PLPPR1: variants seen among roughly 807,000 people sequenced by gnomAD.
The protein encoded by PLPPR1 is phospholipid phosphatase related 1.
Under a neutral mutation model 33.1 loss-of-function variants are expected in PLPPR1, and 10 were observed. That is an observed-to-expected ratio of 0.30 (90% confidence interval 0.19 to 0.51). The LOEUF (loss-of-function observed/expected upper bound fraction) is 0.51, where lower values mean the gene tolerates loss of function less well. PLPPR1 is among the 20% of genes least tolerant of loss of function. The pLI is 0.97. For synonymous variants in PLPPR1, 151 were observed against 151.0 expected (o/e 1.00, Z 0.00); for missense variants, 304 against 408.1 (o/e 0.74, Z 2.20).
intron 4 of PLPPR1, among the ~76,000 whole-genome samples, chr9:101,295,072 C>G (rs1416446910): frequency 6.6e-6 from 1 of 152,178 alleles, no homozygotes; most frequent in African/African-American, 2.4e-5. Context: ...AGCCCAAAAT[C>G]TCCTTAAGCT....
chr9:101,237,815 G>T (rs1827337837), intron 2 of PLPPR1, among the ~76,000 whole-genome samples: 1 of 80,428 alleles, frequency 1.2e-5, no homozygotes, highest in Admixed American at 1.2e-4. Flanking sequence ...TCCATTGTGT[G>T]CATATATATA....
At chr9:101,165,457 A>C (rs922935460) in intron 1 of PLPPR1, among the ~76,000 whole-genome samples, 1 of 152,250 alleles carries the variant, frequency 6.6e-6, no homozygotes, top group Non-Finnish European at 1.5e-5. Context: ...TTGGAAAAGC[A>C]AAGAGAAAAT....
chr9:101,318,764 A>G (rs1829100952), intron 7 of PLPPR1, among the ~76,000 whole-genome samples: 1 of 136,866 alleles, frequency 7.3e-6, no homozygotes. Context: ...ACAGAGTGAG[A>G]CCCTATCTCA....
At chr9:101,181,510 G>A (rs1019476402) in intron 1 of PLPPR1, among the ~76,000 whole-genome samples, 20 of 150,946 alleles carry the variant, frequency 1.3e-4, no homozygotes, top group Admixed American at 8.6e-4. Flanking sequence ...ATATTTATGC[G>A]TTCTCATGTT....
chr9:101,240,409 A>ACTGTTTTTTTTTTTTTTTTT (rs1564012614), intron 2 of PLPPR1, among the ~76,000 whole-genome samples: 12 of 151,782 alleles, frequency 7.9e-5, no homozygotes, highest in African/African-American at 2.9e-4. Context: ...AAATTTTAGA[A>ACTGTTTTTTTTTTTTTTTTT]TTGTTTTTTT....
chr9:101,228,388 T>A (rs1035408306), intron 2 of PLPPR1, among the ~76,000 whole-genome samples: 1 of 152,114 alleles, frequency 6.6e-6, no homozygotes, highest in African/African-American at 2.4e-5. Context: ...GTCCACATCC[T>A]TTATTTGGAT....
chr9:101,195,881 A>G (rs1262475281), intron 2 of PLPPR1, among the ~76,000 whole-genome samples: 1 of 152,230 alleles, frequency 6.6e-6, no homozygotes, highest in Admixed American at 6.5e-5. Flanking sequence ...TTTAATCTTC[A>G]TAGAATTTTA....
At chr9:101,042,741 A>T (rs1340773881) in intron 1 of PLPPR1, among the ~76,000 whole-genome samples, 1 of 152,254 alleles carries the variant, frequency 6.6e-6, no homozygotes, top group Non-Finnish European at 1.5e-5. Flanking sequence ...CCAGGGTAAT[A>T]TTCTGTAAAT....
rs1385860845 is a variant in PLPPR1, at chr9:101,324,858, T to C, written c.*801T>C. The C allele has an allele frequency of 1.3e-5, 2 of 152,606 alleles. No individual in the cohort carries two copies. The highest frequency in any genetic ancestry group is 2.9e-5 in the Non-Finnish European group (2 of 68,038). 9.5% of individuals were successfully genotyped at this position (152,606 alleles called of 1,614,324 possible). ...TTATATGAAAATGAATATTTTACAG[T>C]TTGCACAGTATTATTTTACAGAAAA... On this transcript the variant is annotated 3_prime_UTR_variant, in exon 8 of 8. Coordinates refer to ENST00000374874, the MANE Select transcript of PLPPR1 (RefSeq NM_207299.2).
At chr9:101,065,099 T>G (rs1416227074) in intron 1 of PLPPR1, among the ~76,000 whole-genome samples, 1 of 152,082 alleles carries the variant, frequency 6.6e-6, no homozygotes, top group Non-Finnish European at 1.5e-5. Flanking sequence ...ATTTTTAAAC[T>G]GTCATATCAA....
At chr9:101,148,253 C>G (rs2118644746) in intron 1 of PLPPR1, among the ~76,000 whole-genome samples, 2 of 152,266 alleles carry the variant, frequency 1.3e-5, no homozygotes, top group Middle Eastern at 6.8e-3. Flanking sequence ...GCTGGGGACT[C>G]TGCCCTCTTT....
At chr9:101,214,107 TGG>T (rs1826738792) in intron 2 of PLPPR1, among the ~76,000 whole-genome samples, 1 of 152,180 alleles carries the variant, frequency 6.6e-6, no homozygotes. Context: ...AGACAGATGC[TGG>T]TAATAAAAAA....
chr9:101,311,171 A>G (rs1015349994), intron 5 of PLPPR1, among the ~76,000 whole-genome samples: 1 of 152,306 alleles, frequency 6.6e-6, no homozygotes. Context: ...TCTGTTACTT[A>G]TAATAAACTA....
chr9:101,285,194 A>G (rs1469764015), intron 3 of PLPPR1, among the ~76,000 whole-genome samples: 1 of 152,154 alleles, frequency 6.6e-6, no homozygotes, highest in African/African-American at 2.4e-5. Context: ...CAGTTATGGC[A>G]GTGTCATTGT....
intron 1 of PLPPR1, among the ~76,000 whole-genome samples, chr9:101,046,440 T>C (rs1470474944): frequency 7.0e-6 from 1 of 143,136 alleles, no homozygotes; most frequent in Non-Finnish European, 1.5e-5. Context: ...TTATTCTTTT[T>C]TTTTTTTTTT....
Position 101,078,112 on chromosome 9 carries a change from A to G in PLPPR1, c.-46+49010A>G, listed in dbSNP as rs1487337901. Among the ~76,000 whole-genome samples, 24 of 10,770 alleles carry G rather than the reference A, an allele frequency of 2.2e-3. 7 individuals carry two copies. Among genetic ancestry groups the G allele is most frequent in the African/African-American group, 9.0e-3 (23 of 2,542 alleles). The allele number at this position is 10,770 out of a possible 152,430, so 7.1% of individuals were successfully genotyped here. A position where few individuals can be genotyped will look rare whatever the true frequency, so the allele number is the denominator to read the frequency against. On this transcript the variant is annotated intron_variant, in intron 1 of 7. Coordinates refer to ENST00000374874, the MANE Select transcript of PLPPR1 (RefSeq NM_207299.2). ...GAGGAGAAGGAGAAGGAGAAGAAGA[A>G]GAAGAAGAAGAAGAAGAAGAAGAAG...
At chr9:101,286,374 A>G in intron 4 of PLPPR1, 138 bp downstream of exon 4, 1 of 735,300 alleles carries the variant, frequency 1.4e-6, no homozygotes, top group Non-Finnish European at 2.1e-6. Context: ...TCCTACTGCC[A>G]CATCAAATTT....
chr9:101,301,404 CAA>C (rs1268635971), intron 4 of PLPPR1, among the ~76,000 whole-genome samples: 1 of 152,192 alleles, frequency 6.6e-6, no homozygotes, highest in Non-Finnish European at 1.5e-5. Flanking sequence ...TCACAATTGA[CAA>C]AGTGTTTTTA....
At chr9:101,290,866 T>C (rs1432621987) in intron 4 of PLPPR1, among the ~76,000 whole-genome samples, 1 of 152,104 alleles carries the variant, frequency 6.6e-6, no homozygotes, top group Admixed American at 6.5e-5. Context: ...ACGCAGAAGA[T>C]GGGTGATTTC....
Sources: allele counts gnomAD v4.1 joint callset (sites outside exome capture counted in the v4.1 genomes callset), GRCh38; gene constraint gnomAD v4.1.1; transcripts MANE v1.5; gene names NCBI Gene and HGNC (gene_info 2026-07-23, HGNC 2026-07-21).